The following OTOGL variants were observed in gnomAD, a reference collection of about 807,000 sequenced individuals.
OTOGL encodes otogelin-like protein.
Under a neutral mutation model 318.5 loss-of-function variants are expected in OTOGL, and 285 were observed. That is an observed-to-expected ratio of 0.89 (90% CI 0.81 to 0.99). The LOEUF is 0.99. Among genes scored for constraint, OTOGL ranks in the 50% least tolerant of loss-of-function variants. OTOGL has a pLI of 0.00. For missense variants in OTOGL, 2,899 were observed against 2,845.6 expected, an observed-to-expected ratio of 1.02 and a Z score of -0.43; for synonymous variants, 987 against 936.5, an observed-to-expected ratio of 1.05 and a Z score of -0.99.
Position 80,255,034 on chromosome 12 carries a change from T to TG in OTOGL, c.1442-4dup. 4 of 1,438,994 alleles carry TG rather than the reference T, an allele frequency of 2.8e-6. No homozygotes were observed. 89.1% of individuals were successfully genotyped at this position (1,438,994 alleles called of 1,614,324 possible). A position where few individuals can be genotyped will look rare whatever the true frequency, so the allele number is the denominator to read the frequency against. On this transcript the variant is annotated splice_polypyrimidine_tract_variant and splice_region_variant and intron_variant, in intron 15 of 58. Transcript: ENST00000547103. Reference sequence around the variant, plus strand: ...TTTTTCTTTGTTTTCTTTTTTTTTTTGGCAGTTCAATGCTCAGTTGTAGGT... The same window carrying TG: ...TTTTTCTTTGTTTTCTTTTTTTTTTTGGGCAGTTCAATGCTCAGTTGTAGGT...
chr12:80,193,935 A>G (rs1385291975), intron 1 of OTOGL, among the ~76,000 whole-genome samples: 1 of 152,246 alleles, frequency 6.6e-6, no homozygotes, highest in Non-Finnish European at 1.5e-5. Flanking sequence ...CAAGACCCAG[A>G]GAAGTAGCTG....
At chr12:80,340,629 C>T (rs1311084298) in intron 43 of OTOGL, among the ~76,000 whole-genome samples, 2 of 152,128 alleles carry the variant, frequency 1.3e-5, no homozygotes, top group African/African-American at 4.8e-5. Context: ...CTAACCAGGG[C>T]TCATGCCCTA....
chr12:80,149,924 C>T (rs1025427738), intron 1 of OTOGL, among the ~76,000 whole-genome samples: 10 of 152,126 alleles, frequency 6.6e-5, no homozygotes, highest in Non-Finnish European at 1.0e-4. Context: ...ATGCACGGTG[C>T]GCGCACCCAC....
chr12:80,135,138 G>A (rs1299933161), intron 1 of OTOGL, among the ~76,000 whole-genome samples: 3 of 151,832 alleles, frequency 2.0e-5, no homozygotes, highest in Non-Finnish European at 4.4e-5. Context: ...TTTCAACACA[G>A]TTTTCCTCCC....
chr12:80,329,979 G>A (rs1451098), intron 37 of OTOGL, among the ~76,000 whole-genome samples: 77,068 of 151,978 alleles, frequency 0.51, 21,763 homozygotes, highest in East Asian at 0.71. Context: ...GAGGTTAATC[G>A]AAGACAGAAG....
At chr12:80,324,803 A>C (rs898788021) in intron 35 of OTOGL, among the ~76,000 whole-genome samples, 1 of 152,236 alleles carries the variant, frequency 6.6e-6, no homozygotes, top group Admixed American at 6.5e-5. Context: ...AATACTATGA[A>C]GTTTTGCCAT....
intron 1 of OTOGL, among the ~76,000 whole-genome samples, chr12:80,158,581 A>G (rs11114333): frequency 1.6e-4 from 24 of 152,142 alleles, no homozygotes; most frequent in Non-Finnish European, 2.6e-4. Flanking sequence ...ATATACATAT[A>G]TATGTATAAG....
At chr12:80,278,695 C>T (rs887738486) in intron 25 of OTOGL, among the ~76,000 whole-genome samples, 31 of 151,512 alleles carry the variant, frequency 2.0e-4, no homozygotes, top group South Asian at 6.2e-4. Flanking sequence ...ATGTCTAATG[C>T]ATTTAAATTT....
intron 1 of OTOGL, among the ~76,000 whole-genome samples, chr12:80,115,286 C>T (rs1263349188): frequency 6.6e-6 from 1 of 151,912 alleles, no homozygotes; most frequent in East Asian, 1.9e-4. Context: ...TTTGTGTGGT[C>T]TTCCTTTTTG....
chr12:80,105,711 C>T (rs1235810544), intron 1 of OTOGL, among the ~76,000 whole-genome samples: 3 of 152,146 alleles, frequency 2.0e-5, no homozygotes, highest in Admixed American at 2.0e-4. Context: ...TGCCTTTCCC[C>T]ATCATACTCC....
rs1490132162 is a variant in OTOGL at position 80,102,782 on chromosome 12, G to A, written c.-20+3177G>A. On this transcript the variant is annotated intron_variant, in intron 1 of 58. Coordinates refer to ENST00000547103, the MANE Select transcript of OTOGL (RefSeq NM_001378609.3). The stretch of plus-strand genomic sequence containing the variant: ...TTTAATAAAGTCCTACTGATGGATG[G>A]ACTAGTTTCCCAGAGTTGTCTCTTA... 6 of 613,260 alleles carry A rather than the reference G, an allele frequency of 9.8e-6. No homozygotes were observed. The East Asian group carries it at 1.6e-4, about 16-fold the overall frequency. 38.0% of individuals were successfully genotyped at this position (613,260 alleles called of 1,614,324 possible).
intron 26 of OTOGL, among the ~76,000 whole-genome samples, chr12:80,284,823 T>A (rs558059484): frequency 1.3e-5 from 2 of 152,316 alleles, no homozygotes; most frequent in Admixed American, 6.5e-5. Flanking sequence ...TCCCATTTGG[T>A]AGGATGCCTG....
chr12:80,299,104 G>A (rs1885595455), intron 27 of OTOGL, among the ~76,000 whole-genome samples: 1 of 152,090 alleles, frequency 6.6e-6, no homozygotes, highest in Non-Finnish European at 1.5e-5. Context: ...ATTTTCAATG[G>A]TACTTGAAAT....
intron 1 of OTOGL, among the ~76,000 whole-genome samples, chr12:80,148,225 A>C (rs1346644624): frequency 6.7e-6 from 1 of 149,292 alleles, no homozygotes; most frequent in Non-Finnish European, 1.5e-5. Flanking sequence ...TGCTTCCTTC[A>C]GGAGCTCTTG....
At chr12:80,365,698 T>C (rs1890485583) in intron 52 of OTOGL, among the ~76,000 whole-genome samples, 1 of 152,126 alleles carries the variant, frequency 6.6e-6, no homozygotes, top group African/African-American at 2.4e-5. Flanking sequence ...AATGAATTAG[T>C]GTCCATAAGA....
rs2137911460 is a variant in OTOGL, at chr12:80,336,102, T to C, written c.4562T>C (p.Val1521Ala). The C allele has an allele frequency of 1.9e-6, 3 of 1,598,678 alleles. No homozygotes were observed. Among genetic ancestry groups the C allele is most frequent in the Non-Finnish European group, 2.5e-6 (3 of 1,179,386 alleles). Residue 1521 changes from valine (V) to alanine (A), a missense_variant, in exon 39 of 59, where the codon GTG (valine) becomes GCG (alanine). Physicochemically the swap from Val to Ala is moderately conservative, Grantham distance 64. Transcript: ENST00000547103. ...GGTTTCCGAGGAAGGCCAGTTCAAG[T>C]GAACAGTGATATCTGCTGCCCTGAG... is the stretch of plus-strand genomic sequence containing the variant. ...DCGFRGRPVQVNSDICCPEWE... is the reference protein window; with the variant it reads ...DCGFRGRPVQANSDICCPEWE...
At chr12:80,338,198 T>C (rs931183123) in intron 42 of OTOGL, among the ~76,000 whole-genome samples, 1 of 152,078 alleles carries the variant, frequency 6.6e-6, no homozygotes, top group East Asian at 1.9e-4. Flanking sequence ...GGAACAGTGA[T>C]AGAATTATGA....
At chr12:80,218,891 T>C (rs1878009180) in intron 5 of OTOGL, among the ~76,000 whole-genome samples, 1 of 150,054 alleles carries the variant, frequency 6.7e-6, no homozygotes, top group Non-Finnish European at 1.5e-5. Flanking sequence ...GCCTCCTGGA[T>C]TCAAGCGATT....
chr12:80,336,977 A>G lies in OTOGL; in HGVS notation c.4833A>G (p.Lys1611=). The G allele has an allele frequency of 6.3e-7, 1 of 1,588,580 alleles. No individual in the cohort carries two copies. The highest frequency in any genetic ancestry group is 8.6e-7 in the Non-Finnish European group (1 of 1,165,620). ...KKLNVTTPIH[K]IIVNRLARKV... ...TAAATGTGACAACACCCATACATAAAATAATTGTCAATCGGTTGGCAAGAA... is the reference window on the plus strand; with the variant it reads ...TAAATGTGACAACACCCATACATAAGATAATTGTCAATCGGTTGGCAAGAA... The change falls in exon 42 of 59, where the codon AAA becomes AAG. Residue 1611 remains lysine (K), a synonymous_variant. Transcript: ENST00000547103.
Sources: gnomAD v4.1 joint callset for allele counts (sites outside exome capture counted in the v4.1 genomes callset) on GRCh38, gnomAD v4.1.1 for gene constraint, MANE v1.5 for transcripts, NCBI Gene and HGNC (gene_info 2026-07-23, HGNC 2026-07-21) for gene names.